Variants in AOPEP observed in about 807,000 individuals in gnomAD.
AOPEP encodes aminopeptidase O.
A neutral mutation model predicts 98.1 loss-of-function variants in AOPEP; 77 were observed. The ratio of observed to expected loss-of-function variants is 0.78; its 90% CI spans 0.65 to 0.95. The LOEUF is 0.95. AOPEP is among the 40% of genes least tolerant of loss of function. The probability of loss-of-function intolerance (pLI) is 0.00; values close to 1 mark genes in which losing one functional copy is unlikely to be tolerated. For missense variants in AOPEP, 1,024 were observed against 1,024.7 expected (o/e 1.00, Z 0.01); for synonymous variants, 346 against 365.3 (o/e 0.95, Z 0.60).
chr9:95,043,219 T>TA (rs1233368479), intron 13 of AOPEP, among the ~76,000 whole-genome samples: 1 of 151,262 alleles, frequency 6.6e-6, no homozygotes, highest in Non-Finnish European at 1.5e-5. Flanking sequence ...TATGTATCTG[T>TA]ATATGTGCAT....
chr9:94,995,659 A>G (rs1327741775), intron 11 of AOPEP, among the ~76,000 whole-genome samples: 1 of 152,230 alleles, frequency 6.6e-6, no homozygotes, highest in Non-Finnish European at 1.5e-5. Flanking sequence ...AAGGCAAAAC[A>G]GGCCATAATA....
chr9:95,148,605 G>A, the AOPEP span, among the ~76,000 whole-genome samples: 2 of 152,186 alleles, frequency 1.3e-5, no homozygotes, highest in Non-Finnish European at 2.9e-5. Context: ...CATGGTGGCA[G>A]TAATGACTAT....
intron 11 of AOPEP, among the ~76,000 whole-genome samples, chr9:95,001,297 G>A (rs1299932290): frequency 3.9e-5 from 6 of 152,208 alleles, no homozygotes; most frequent in South Asian, 4.1e-4. Context: ...AGCCTCGGAC[G>A]TTGTCTTCAG....
intron 5 of AOPEP, among the ~76,000 whole-genome samples, chr9:94,860,285 C>T (rs780587247): frequency 3.3e-5 from 5 of 152,078 alleles, no homozygotes; most frequent in South Asian, 4.2e-4. Flanking sequence ...GGAAGATTGG[C>T]GTGAAATGAG....
At chr9:94,900,840 A>G (rs1325963252) in intron 5 of AOPEP, 1 of 152,182 alleles carries the variant, frequency 6.6e-6, no homozygotes, top group Non-Finnish European at 1.5e-5. Flanking sequence ...GATTCTGGGA[A>G]CTGACTTTAA....
chr9:95,148,167 A>ATAC, the AOPEP span, among the ~76,000 whole-genome samples: 2 of 152,232 alleles, frequency 1.3e-5, no homozygotes, highest in Non-Finnish European at 2.9e-5. Context: ...GCAGTTTAAC[A>ATAC]TACTGACTTT....
chr9:94,970,537 G>T (rs550107604), intron 10 of AOPEP, among the ~76,000 whole-genome samples: 26 of 151,882 alleles, frequency 1.7e-4, no homozygotes, highest in African/African-American at 5.8e-4. Flanking sequence ...TGATGCTGAA[G>T]AAATCTTATG....
intron 1 of AOPEP, among the ~76,000 whole-genome samples, chr9:94,755,322 G>T (rs955717374): frequency 3.3e-5 from 5 of 152,164 alleles, no homozygotes; most frequent in African/African-American, 1.2e-4. Flanking sequence ...GGCCTTGCAA[G>T]GTGGCCACAT....
intron 14 of AOPEP, among the ~76,000 whole-genome samples, chr9:95,080,309 C>T (rs750106335): frequency 1.4e-4 from 22 of 152,208 alleles, no homozygotes; most frequent in Admixed American, 7.8e-4. Flanking sequence ...GGGCGGATCA[C>T]GAGGTGAGGA....
At chr9:95,042,780 G>A (rs4744426) in intron 13 of AOPEP, among the ~76,000 whole-genome samples, 119,342 of 152,116 alleles carry the variant, frequency 0.78, 48,332 homozygotes, top group Non-Finnish European at 0.89. Flanking sequence ...TTATGCTTAC[G>A]TTGAGCCCAC....
In AOPEP at chr9:95,005,220, G is replaced by A; in HGVS notation, c.2040G>A (p.Glu680=). 1.4e-5 allele frequency: 16 copies of A among 1,106,752 alleles called. No homozygotes were observed. Among genetic ancestry groups the A allele is most frequent in the Non-Finnish European group, 1.8e-5 (16 of 908,434 alleles). 68.6% of individuals were successfully genotyped at this position (1,106,752 alleles called of 1,614,324 possible). A position where few individuals can be genotyped will look rare whatever the true frequency, so the allele number is the denominator to read the frequency against. Residue 680 remains glutamate, a splice_region_variant and synonymous_variant, in exon 12 of 17, where the codon GAG becomes GAA. Coordinates refer to ENST00000375315, the MANE Select transcript of AOPEP (RefSeq NM_001193329.3). ...GGCTTGCGCGGCAAGTGCGCGCCGA[G>A]GTGAGTGCGGGCGGCGCGGTCCCTG... is the stretch of plus-strand genomic sequence containing the variant. ...ECGLARQVRA[E]VTKWIGVNRR...
At chr9:95,019,054 G>C (rs1182800346) in intron 13 of AOPEP, 1 of 152,108 alleles carries the variant, frequency 6.6e-6, no homozygotes, top group Non-Finnish European at 1.5e-5. Flanking sequence ...AATCAGGCTT[G>C]GTTTTTTCCT....
intron 5 of AOPEP, among the ~76,000 whole-genome samples, chr9:94,845,678 T>A (rs2042774770): frequency 6.6e-6 from 1 of 152,126 alleles, no homozygotes; most frequent in Admixed American, 6.6e-5. Context: ...GAGTGGTTTG[T>A]GTCTAAGATG....
intron 1 of AOPEP, among the ~76,000 whole-genome samples, chr9:94,754,342 A>G (rs1224990550): frequency 6.6e-6 from 1 of 152,236 alleles, no homozygotes; most frequent in Non-Finnish European, 1.5e-5. Context: ...GAATAGCAGA[A>G]AGCTGTCATT....
intron 11 of AOPEP, among the ~76,000 whole-genome samples, chr9:94,988,376 T>C (rs1255820339): frequency 2.6e-5 from 4 of 151,902 alleles, no homozygotes; most frequent in Admixed American, 6.6e-5. Flanking sequence ...ATTTTTTCAG[T>C]GAGCACAGAG....
chr9:95,048,493 A>G (rs1274140280), intron 13 of AOPEP, among the ~76,000 whole-genome samples: 1 of 151,902 alleles, frequency 6.6e-6, no homozygotes, highest in Non-Finnish European at 1.5e-5. Flanking sequence ...CCGGCGGCCG[A>G]GATACTCACG....
intron 7 of AOPEP, among the ~76,000 whole-genome samples, chr9:94,939,250 A>G (rs915459626): frequency 3.6e-5 from 2 of 56,172 alleles, no homozygotes; most frequent in Non-Finnish European, 1.0e-4. Context: ...TTCGTGTCAG[A>G]AAAAAAAAAA....
Position 94,760,305 on chromosome 9 carries a change from T to C in AOPEP, c.522T>C (p.Pro174=). Residue 174 remains proline (P), a synonymous_variant, in exon 2 of 17, where the codon CCT becomes CCC. Transcript: ENST00000375315. The part of the protein sequence containing the change: ...VPGLEKFTRS[P]ELTVVSEEFR... ...GTCTGGAAAAATTTACAAGGTCTCCTGAGCTCACGGTTGTTTCTGAGGAGT... is the reference window on the plus strand; with the variant it reads ...GTCTGGAAAAATTTACAAGGTCTCCCGAGCTCACGGTTGTTTCTGAGGAGT... The C allele has an allele frequency of 6.2e-7, 1 of 1,614,198 alleles. No individual in the cohort carries two copies. Among genetic ancestry groups the C allele is most frequent in the Non-Finnish European group, 8.5e-7 (1 of 1,180,052 alleles).
intron 13 of AOPEP, among the ~76,000 whole-genome samples, chr9:95,035,191 T>C (rs2064691346): frequency 6.6e-6 from 1 of 150,422 alleles, no homozygotes. Context: ...CATTGTTCAA[T>C]TCCCACCTGT....
Sources: gnomAD v4.1 joint callset for allele counts (sites outside exome capture counted in the v4.1 genomes callset) on GRCh38, gnomAD v4.1.1 for gene constraint, MANE v1.5 for transcripts, NCBI Gene and HGNC (gene_info 2026-07-23, HGNC 2026-07-21) for gene names.